The following GDNF variants were observed in gnomAD, a reference collection of about 807,000 sequenced individuals.
GDNF encodes glial cell derived neurotrophic factor.
Under a neutral mutation model 13.7 loss-of-function variants are expected in GDNF, and 5 were observed. The observed-to-expected ratio is 0.36, with a 90% CI of 0.19 to 0.77. GDNF has a LOEUF of 0.77. Among genes scored for constraint, GDNF ranks in the 30% least tolerant of loss-of-function variants. The probability of loss-of-function intolerance (pLI) is 0.51; values close to 1 mark genes in which losing one functional copy is unlikely to be tolerated. For missense variants in GDNF, 246 were observed against 274.3 expected, an observed-to-expected ratio of 0.90 and a Z score of 0.73; for synonymous variants, 122 against 112.5, an observed-to-expected ratio of 1.08 and a Z score of -0.53.
chr5:37,836,260 C>A (rs904387205), intron 1 of GDNF, among the ~76,000 whole-genome samples: 7 of 152,088 alleles, frequency 4.6e-5, no homozygotes, highest in African/African-American at 1.4e-4. Context: ...ACCTCAGTGC[C>A]TTTCCTAGCC....
At chr5:37,826,637 G>A (rs1325731980) in intron 2 of GDNF, among the ~76,000 whole-genome samples, 1 of 152,214 alleles carries the variant, frequency 6.6e-6, no homozygotes, top group Non-Finnish European at 1.5e-5. Context: ...TTAGAGCAGT[G>A]TCTTCAGACT....
chr5:37,833,412 C>T (rs1750589063), intron 2 of GDNF, among the ~76,000 whole-genome samples: 1 of 152,206 alleles, frequency 6.6e-6, no homozygotes, highest in Admixed American at 6.5e-5. Context: ...AAAGGATTAA[C>T]CATGTTCCCT....
Position 37,837,845 on chromosome 5 carries a change from C to T in GDNF, c.-27+1662G>A, listed in dbSNP as rs1018656719. ...TCCACGCGTCACCGTGACAGATTCG[C>T]AGGAGGCAGCGCTCCCGCCGTCAGT... is the stretch of plus-strand genomic sequence containing the variant. On this transcript the variant is annotated intron_variant, in intron 1 of 2. Coordinates refer to ENST00000326524, the MANE Select transcript of GDNF (RefSeq NM_000514.4). This position sits in a 1 kb window ranked among gnomAD's most constrained non-coding sequence, Gnocchi z 6.5. Among the ~76,000 whole-genome samples, 1 of 152,110 alleles carries T rather than the reference C, an allele frequency of 6.6e-6. No individual in the cohort carries two copies. Among genetic ancestry groups the T allele is most frequent in the African/African-American group, 2.4e-5 (1 of 41,412 alleles).
Position 37,838,188 on chromosome 5 carries a change from C to G in GDNF, c.-27+1319G>C, listed in dbSNP as rs1308336685. On this transcript the variant is annotated intron_variant, in intron 1 of 2. Transcript: ENST00000326524. This position sits in a 1 kb window ranked among gnomAD's most constrained non-coding sequence, Gnocchi z 4.1. ...ACTTCTCGCAGGCAAACTGGGAAAG[C>G]GGTCTGTTTAAAGGGCCAGGTTCCA... is the stretch of plus-strand genomic sequence containing the variant. Among the ~76,000 whole-genome samples, 1 of 152,088 alleles carries G rather than the reference C, an allele frequency of 6.6e-6. No individual in the cohort carries two copies. The highest frequency in any genetic ancestry group is 1.5e-5 in the Non-Finnish European group (1 of 68,024).
rs1210378872 is a variant in GDNF, at chr5:37,813,158, C to T, written c.*2493G>A. On this transcript the variant is annotated 3_prime_UTR_variant, in exon 3 of 3. Coordinates refer to ENST00000326524, the MANE Select transcript of GDNF (RefSeq NM_000514.4). ...CACTGTTTCGAGCAGTCTGAATTCT[C>T]AGCAAGATCCCAAGACAGTGTGAGA... 1.3e-5 allele frequency: 2 copies of T among 152,270 alleles called. No individual in the cohort carries two copies. Among genetic ancestry groups the T allele is most frequent in the East Asian group, 3.8e-4 (2 of 5,202 alleles). The allele number at this position is 152,270 out of a possible 1,614,324, so 9.4% of individuals were successfully genotyped here.
chr5:37,827,361 A>G (rs1267644885), intron 2 of GDNF, among the ~76,000 whole-genome samples: 2 of 152,240 alleles, frequency 1.3e-5, no homozygotes, highest in African/African-American at 2.4e-5. Flanking sequence ...CCTTGTTCTT[A>G]GAAGGTACAT....
Position 37,834,840 on chromosome 5 carries a change from A to G in GDNF, c.-26-18T>C, listed in dbSNP as rs775541832. 4 of 1,610,722 alleles carry G rather than the reference A, an allele frequency of 2.5e-6. No individual in the cohort carries two copies. The highest frequency in any genetic ancestry group is 2.2e-5 in the South Asian group (2 of 90,916). ...GGCGGCACCTGCGCGGGCAGGCGGG[A>G]GGTGGGGGAGAGAACCGCAGAATGC... On this transcript the variant is annotated intron_variant, in intron 1 of 2. Coordinates refer to ENST00000326524, the MANE Select transcript of GDNF (RefSeq NM_000514.4).
At chr5:37,818,036 CTT>C (rs1749994419) in intron 2 of GDNF, among the ~76,000 whole-genome samples, 1 of 152,222 alleles carries the variant, frequency 6.6e-6, no homozygotes, top group South Asian at 2.1e-4. Context: ...TCTTGTTTCT[CTT>C]CTTGTTCCCT....
intron 2 of GDNF, among the ~76,000 whole-genome samples, chr5:37,828,604 G>T (rs1301671288): frequency 6.6e-6 from 1 of 152,128 alleles, no homozygotes. Flanking sequence ...AGAAATATTG[G>T]CTTTCGGACC....
intron 2 of GDNF, among the ~76,000 whole-genome samples, chr5:37,820,293 T>C (rs774737190): frequency 4.6e-5 from 7 of 152,246 alleles, no homozygotes; most frequent in Non-Finnish European, 8.8e-5. Context: ...TTAATCTATA[T>C]GATATATAAC....
rs1749924451 is a variant in GDNF at position 37,816,166 on chromosome 5, T to G, written c.152-31A>C. The stretch of plus-strand genomic sequence containing the variant: ...CAAAAAGAAAAGAGAAAATGGCACA[T>G]GAGACAAAATGATCATTTCAAGCCG... On this transcript the variant is annotated intron_variant, in intron 2 of 2. Coordinates refer to ENST00000326524, the MANE Select transcript of GDNF (RefSeq NM_000514.4). The G allele has an allele frequency of 3.7e-6, 6 of 1,610,974 alleles. No homozygotes were observed. The Middle Eastern group carries it at 6.6e-4, about 178-fold the overall frequency.
intron 2 of GDNF, among the ~76,000 whole-genome samples, chr5:37,817,335 A>G (rs1749969101): frequency 6.6e-6 from 1 of 152,218 alleles, no homozygotes; most frequent in African/African-American, 2.4e-5. Context: ...CTTGGGTAGT[A>G]GGCCTCTTAT....
rs1169975163 is a variant in GDNF, at chr5:37,813,261, G to A, written c.*2390C>T. On this transcript the variant is annotated 3_prime_UTR_variant, in exon 3 of 3. Coordinates refer to ENST00000326524, the MANE Select transcript of GDNF (RefSeq NM_000514.4). ...AGAAGGGCAGAACCATGAAGAATTTGGGTATTTTGGGGGAAGGGGATCAGA... is the reference window on the plus strand; with the variant it reads ...AGAAGGGCAGAACCATGAAGAATTTAGGTATTTTGGGGGAAGGGGATCAGA... 3 of 152,150 alleles carry A rather than the reference G, an allele frequency of 2.0e-5. No individual in the cohort carries two copies. The highest frequency in any genetic ancestry group is 7.2e-5 in the African/African-American group (3 of 41,394). The allele number at this position is 152,150 out of a possible 1,614,324, so 9.4% of individuals were successfully genotyped here.
At chr5:37,817,311 C>T (rs1749968527) in intron 2 of GDNF, among the ~76,000 whole-genome samples, 1 of 152,180 alleles carries the variant, frequency 6.6e-6, no homozygotes, top group African/African-American at 2.4e-5. Flanking sequence ...GAAAAACAAT[C>T]CAAACACCTG....
rs894650177 is a variant in GDNF at position 37,813,422 on chromosome 5, T to C, written c.*2229A>G. The C allele has an allele frequency of 1.2e-4, 18 of 152,086 alleles. No homozygotes were observed. Among genetic ancestry groups the C allele is most frequent in the African/African-American group, 4.3e-4 (18 of 41,400 alleles). The allele number at this position is 152,086 out of a possible 1,614,324, so 9.4% of individuals were successfully genotyped here. A position where few individuals can be genotyped will look rare whatever the true frequency, so the allele number is the denominator to read the frequency against. On this transcript the variant is annotated 3_prime_UTR_variant, in exon 3 of 3. Transcript: ENST00000326524. ...TAATAGATTATCTCCTTAATGAAAA[T>C]CCCTTTTATGAAATGCGTAACAAGC... is the stretch of plus-strand genomic sequence containing the variant.
At chr5:37,834,143 C>A (rs932594993) in intron 2 of GDNF, among the ~76,000 whole-genome samples, 3 of 152,224 alleles carry the variant, frequency 2.0e-5, no homozygotes, top group Admixed American at 2.0e-4. Flanking sequence ...GAAATGGAGG[C>A]CCTTCTGTGT....
chr5:37,825,336 T>A (rs1037203099), intron 2 of GDNF, among the ~76,000 whole-genome samples: 2 of 152,238 alleles, frequency 1.3e-5, no homozygotes, highest in Non-Finnish European at 2.9e-5. Flanking sequence ...ATTACAGTTA[T>A]GCTAATAATT....
In GDNF at chr5:37,834,760, G is replaced by A. The variant is rs1581591742; in HGVS notation, c.37C>T (p.Leu13=). 6.2e-7 allele frequency: 1 copy of A among 1,613,010 alleles called. No individual in the cohort carries two copies. Among genetic ancestry groups the A allele is most frequent in the East Asian group, 2.2e-5 (1 of 44,846 alleles). ...GGGAAGGCGGACGCGGTGTGGAGCA[G>A]CACCAGGCAGACAGCCACGACATCC... ...LWDVVAVCLV[L]LHTASAFPLP... is the part of the protein sequence containing the mutation. Residue 13 remains leucine, a synonymous_variant, in exon 2 of 3, where the codon CTG becomes TTG. Transcript: ENST00000326524.
chr5:37,826,618 C>A (rs1750322753), intron 2 of GDNF, among the ~76,000 whole-genome samples: 1 of 152,214 alleles, frequency 6.6e-6, no homozygotes, highest in African/African-American at 2.4e-5. Flanking sequence ...TCTTTGTGTC[C>A]ACTATGGCTT....
Sources: gnomAD v4.1 joint callset for allele counts (sites outside exome capture counted in the v4.1 genomes callset) on GRCh38, gnomAD v4.1.1 for gene constraint, Gnocchi (gnomAD v3.1) non-coding constraint, MANE v1.5 for transcripts, NCBI Gene and HGNC (gene_info 2026-07-23, HGNC 2026-07-21) for gene names.